The following NPAS1 variants were observed in gnomAD, a reference collection of about 807,000 sequenced individuals.
NPAS1 encodes neuronal PAS domain protein 1, also known as neuronal PAS domain-containing protein 1.
A neutral mutation model predicts 49.2 loss-of-function variants in NPAS1; 29 were observed. That is an observed-to-expected ratio of 0.59 (90% CI 0.44 to 0.80). The LOEUF (loss-of-function observed/expected upper bound fraction) is 0.80, where lower values mean the gene tolerates loss of function less well. Among genes scored for constraint, NPAS1 ranks in the 30% least tolerant of loss-of-function variants. The pLI, the probability that NPAS1 is intolerant of heterozygous loss-of-function variation, is 0.00. For synonymous variants in NPAS1, 408 were observed against 380.4 expected (o/e 1.07, Z -0.84); for missense variants, 825 against 835.5 (o/e 0.99, Z 0.15).
chr19:47,035,219 A>AAGG (rs1555771745), intron 5 of NPAS1: 3 of 149,194 alleles, frequency 2.0e-5, no homozygotes, highest in African/African-American at 7.4e-5. Context: ...GAAGAAGAAG[A>AAGG]AGGAAAGGCT....
intron 11 of NPAS1, among the ~76,000 whole-genome samples, chr19:47,043,275 T>G (rs1411813453): frequency 3.8e-4 from 2 of 5,272 alleles, no homozygotes; most frequent in Non-Finnish European, 8.8e-4. Flanking sequence ...CGAGACTCTG[T>G]CTCAAAAAAA....
At position 47,045,038 on chromosome 19, in the gene NPAS1, AC is replaced by A. The variant is rs1251607665; in HGVS notation, c.1313-152del. Reference sequence around the variant, plus strand: ...GAGCAAGACTCCGTCTCACAAAAAAACAAAAAACAAAAACAAAACAAACAAA... The same window carrying A: ...GAGCAAGACTCCGTCTCACAAAAAAAAAAAAACAAAAACAAAACAAACAAA... On this transcript the variant is annotated intron_variant, in intron 11 of 11. Transcript: ENST00000602212. Among the ~76,000 whole-genome samples, 1,471 of 151,188 alleles carry A rather than the reference AC, an allele frequency of 9.7e-3. 31 individuals are homozygous for A. Among genetic ancestry groups the A allele is most frequent in the African/African-American group, 0.035 (1,410 of 40,616 alleles).
At position 47,039,126 on chromosome 19, in the gene NPAS1, T is replaced by C. The variant is rs1009949571; in HGVS notation, c.779T>C (p.Leu260Pro). 1 of 1,612,544 alleles carries C rather than the reference T, an allele frequency of 6.2e-7. No homozygotes were observed. The highest frequency in any genetic ancestry group is 1.3e-5 in the African/African-American group (1 of 74,908). The change falls in exon 7 of 12, where the codon CTG becomes CCG. Residue 260 changes from leucine to proline, a missense_variant. Leu to Pro is a moderately conservative substitution (Grantham distance 98). Coordinates refer to ENST00000602212, the MANE Select transcript of NPAS1 (RefSeq NM_002517.4). ...AAATCCACGCTCACCAAGAGGGGGC[T>C]GCACGTCAAGGCCTCAGGGTACAAG... Reference protein sequence around the residue: ...RMKSTLTKRGLHVKASGYKVI... With the variant: ...RMKSTLTKRGPHVKASGYKVI...
At chr19:47,020,353 G>A (rs1161765522) in intron 1 of NPAS1, among the ~76,000 whole-genome samples, 1 of 152,062 alleles carries the variant, frequency 6.6e-6, no homozygotes, top group Non-Finnish European at 1.5e-5. Flanking sequence ...GGCGTCCTGG[G>A]GCAGAGGCTG....
rs966590636 is a variant in NPAS1 at position 47,021,091 on chromosome 19, A to G, written c.44A>G (p.Lys15Arg). ...YPGSGGGSEV[K>R]CVGGRGASVP... is the part of the protein sequence containing the mutation. Reference sequence around the variant, plus strand: ...GGCAGTGGCGGCGGAAGCGAGGTCAAATGCGTGGGAGGCCGCGGCGCCAGC... The same window carrying G: ...GGCAGTGGCGGCGGAAGCGAGGTCAGATGCGTGGGAGGCCGCGGCGCCAGC... The change falls in exon 2 of 12, where the codon AAA becomes AGA. Residue 15 changes from lysine to arginine, a missense_variant. Transcript: ENST00000602212. The surrounding 1 kb of genome is among the most constrained non-coding windows in gnomAD (Gnocchi z 5.7). The G allele has an allele frequency of 1.9e-6, 3 of 1,603,530 alleles. No homozygotes were observed. Among genetic ancestry groups the G allele is most frequent in the Non-Finnish European group, 2.6e-6 (3 of 1,175,988 alleles).
chr19:47,033,366 G>A lies in NPAS1; in HGVS notation c.522+634G>A, dbSNP rs566413746. 1.8e-3 allele frequency among the ~76,000 whole-genome samples: 266 copies of A among 151,746 alleles called. 1 individual carries two copies. The highest frequency in any genetic ancestry group is 6.2e-3 in the African/African-American group (258 of 41,358). On this transcript the variant is annotated intron_variant, in intron 5 of 11. Transcript: ENST00000602212. ...AGCGATTCTCCTGCCTCAGCCTCCC[G>A]AGTAGCTGGGATTACAGACATGCAC...
intron 3 of NPAS1, among the ~76,000 whole-genome samples, chr19:47,029,788 A>G (rs1035968665): frequency 6.6e-6 from 1 of 152,218 alleles, no homozygotes. Flanking sequence ...ATGAACACGC[A>G]TGTACATGCT....
rs372018391 is a variant in NPAS1, at chr19:47,045,576, G to A, written c.1698G>A (p.Pro566=). ...GGCTGGGTCCGGGCCCCGCGCTCCC[G>A]GAGGCCTTTTACCCGCCCCTGGGCC... ...LQRLGPGPAL[P]EAFYPPLGLP... The change falls in exon 12 of 12, where the codon CCG becomes CCA. Residue 566 remains proline, a synonymous_variant. Coordinates refer to ENST00000602212, the MANE Select transcript of NPAS1 (RefSeq NM_002517.4). 3.8e-5 allele frequency: 56 copies of A among 1,490,338 alleles called. No homozygotes were observed. The South Asian group carries it at 6.7e-4, about 18-fold the overall frequency. The allele number at this position is 1,490,338 out of a possible 1,614,324, so 92.3% of individuals were successfully genotyped here. A position where few individuals can be genotyped will look rare whatever the true frequency, so the allele number is the denominator to read the frequency against.
At position 47,045,531 on chromosome 19, in the gene NPAS1, G is replaced by A. The variant is rs552885365; in HGVS notation, c.1653G>A (p.Leu551=). 6 of 1,531,142 alleles carry A rather than the reference G, an allele frequency of 3.9e-6. No homozygotes were observed. The African/African-American group carries it at 8.3e-5, about 21-fold the overall frequency. The allele number at this position is 1,531,142 out of a possible 1,614,324, so 94.8% of individuals were successfully genotyped here. A position where few individuals can be genotyped will look rare whatever the true frequency, so the allele number is the denominator to read the frequency against. ...TIRYGPAELG[L]VYPHLQRLGP... ...GCTACGGCCCCGCGGAGCTGGGCCT[G>A]GTGTACCCGCACCTGCAGAGGCTGG... Residue 551 remains leucine, a synonymous_variant, in exon 12 of 12, where the codon CTG becomes CTA. Coordinates refer to ENST00000602212, the MANE Select transcript of NPAS1 (RefSeq NM_002517.4).
In NPAS1 at chr19:47,042,892, C is replaced by T; in HGVS notation, c.1300C>T (p.Pro434Ser). The T allele has an allele frequency of 6.2e-7, 1 of 1,600,404 alleles. No individual in the cohort carries two copies. The highest frequency in any genetic ancestry group is 8.5e-7 in the Non-Finnish European group (1 of 1,173,868). ...VACEEASSPG[P>S]EPTEPEPPTE... ...CTGTGAGGAGGCATCCAGCCCGGGG[C>T]CAGAGCCCACAGGTGAGCCCCACCT... Residue 434 changes from proline to serine, a missense_variant, in exon 11 of 12, where the codon CCA becomes TCA. By Grantham distance (74) the Pro-to-Ser change is moderately conservative (BLOSUM62 -1). Transcript: ENST00000602212.
At chr19:47,038,925 C>T (rs1255572407) in intron 6 of NPAS1, 111 bp from the exon 7 acceptor site, 6 of 867,000 alleles carry the variant, frequency 6.9e-6, no homozygotes, top group African/African-American at 1.7e-5. Context: ...TGAGTGCGGC[C>T]GTGGCCCAGC....
At chr19:47,038,945 G>A (rs186746636) in intron 6 of NPAS1, 91 bp from the exon 7 acceptor site, 1 of 1,083,806 alleles carries the variant, frequency 9.2e-7, no homozygotes, top group Admixed American at 1.8e-5. Flanking sequence ...CGGACATCTT[G>A]TGTCTATGTC....
At chr19:47,039,659 A>G (rs1465578213) in intron 8 of NPAS1, 95 bp downstream of exon 8, 3 of 1,350,084 alleles carry the variant, frequency 2.2e-6, no homozygotes, top group Admixed American at 2.4e-5. Context: ...TCTGCAGGAT[A>G]GGGCACTGGG....
At chr19:47,032,243 C>A in intron 3 of NPAS1, 35 bp from the exon 4 acceptor site, 14 of 1,602,578 alleles carry the variant, frequency 8.7e-6, no homozygotes, top group African/African-American at 1.3e-5. Context: ...CAGGGTCAGC[C>A]AGACTAACAG....
At chr19:47,025,314 T>G (rs892679545) in intron 3 of NPAS1, among the ~76,000 whole-genome samples, 1 of 134,650 alleles carries the variant, frequency 7.4e-6, no homozygotes, top group Non-Finnish European at 1.7e-5. Flanking sequence ...GTTTTGCTCT[T>G]GTTGCCCAGG....
rs368510679 is a variant in NPAS1, at chr19:47,040,145, C to T, written c.963-299C>T. Among the ~76,000 whole-genome samples, 47 of 152,272 alleles carry T rather than the reference C, an allele frequency of 3.1e-4. No homozygotes were observed. In the East Asian group the frequency reaches 5.8e-3, roughly 19 times the overall value. ...TCAAGTGATTCTCTTGCCTCAGCCTCTCAAGTAGCTGGGATTATAGGCGTG... is the reference window on the plus strand; with the variant it reads ...TCAAGTGATTCTCTTGCCTCAGCCTTTCAAGTAGCTGGGATTATAGGCGTG... On this transcript the variant is annotated intron_variant, in intron 8 of 11. Transcript: ENST00000602212.
chr19:47,039,350 C>G, intron 7 of NPAS1, 57 bp from the exon 8 acceptor site: 1 of 1,599,264 alleles, frequency 6.3e-7, no homozygotes, highest in Non-Finnish European at 8.5e-7. Context: ...CAGTGATGGT[C>G]CTCTTGCCCC....
chr19:47,028,333 A>T (rs1363161764), intron 3 of NPAS1, among the ~76,000 whole-genome samples: 7 of 151,690 alleles, frequency 4.6e-5, no homozygotes, highest in Non-Finnish European at 1.0e-4. Context: ...CTCCAGGCGG[A>T]GGTGGAGGCA....
intron 9 of NPAS1, 128 bp from the exon 10 acceptor site, chr19:47,040,849 CT>C: frequency 2.6e-6 from 2 of 779,368 alleles, no homozygotes; most frequent in East Asian, 2.9e-5. Flanking sequence ...ACCTTTTTCT[CT>C]TCTCCCCACC....
Sources: gnomAD v4.1 joint callset for allele counts (sites outside exome capture counted in the v4.1 genomes callset) on GRCh38, gnomAD v4.1.1 for gene constraint, Gnocchi (gnomAD v3.1) non-coding constraint, MANE v1.5 for transcripts, NCBI Gene and HGNC (gene_info 2026-07-23, HGNC 2026-07-21) for gene names.